The following AUTS2 variants were observed in gnomAD, a reference collection of about 807,000 sequenced individuals.
The protein encoded by AUTS2 is activator of transcription and developmental regulator AUTS2, also known as autism susceptibility gene 2 protein.
Under a neutral mutation model 112.4 loss-of-function variants are expected in AUTS2, and 17 were observed. That is an observed-to-expected ratio of 0.15 (90% CI 0.10 to 0.23). The LOEUF (loss-of-function observed/expected upper bound fraction) is 0.23, where lower values mean the gene tolerates loss of function less well. Among genes scored for constraint, AUTS2 ranks in the 10% least tolerant of loss-of-function variants. The pLI is 1.00. For synonymous variants in AUTS2, 751 were observed against 702.7 expected, an observed-to-expected ratio of 1.07 and a Z score of -1.09; for missense variants, 1,510 against 1,701.6, an observed-to-expected ratio of 0.89 and a Z score of 1.98.
chr7:70,232,328 T>C (rs1432735317), intron 4 of AUTS2, among the ~76,000 whole-genome samples: 2 of 152,166 alleles, frequency 1.3e-5, no homozygotes, highest in Non-Finnish European at 2.9e-5. Context: ...CATCCTCCTC[T>C]TTGTCTTTCT....
intron 1 of AUTS2, among the ~76,000 whole-genome samples, chr7:69,626,234 G>A (rs1014763743): frequency 1.3e-5 from 2 of 152,118 alleles, no homozygotes; most frequent in Admixed American, 6.6e-5. Context: ...GTAATTAGTT[G>A]GAAATGACAT....
chr7:70,316,298 A>C (rs1047704820), intron 4 of AUTS2, among the ~76,000 whole-genome samples: 3 of 152,042 alleles, frequency 2.0e-5, no homozygotes, highest in African/African-American at 7.2e-5. Context: ...CTCAGCTGGC[A>C]TCAATGGGCT....
rs556531734 is a variant in AUTS2 at position 70,297,850 on chromosome 7, C to T, written c.661-137902C>T. Among the ~76,000 whole-genome samples, 5 of 152,230 alleles carry T rather than the reference C, an allele frequency of 3.3e-5. No homozygotes were observed. The South Asian group carries it at 1.0e-3, about 32-fold the overall frequency. On this transcript the variant is annotated intron_variant, in intron 4 of 18. Transcript: ENST00000342771. ...TTATCAAATATTTTCACAGACAAAA[C>T]ATTTTTTCAAGCCAAATCTTGTCTA...
chr7:69,976,147 A>G (rs891464468), intron 2 of AUTS2, among the ~76,000 whole-genome samples: 4 of 152,220 alleles, frequency 2.6e-5, no homozygotes, highest in Admixed American at 2.6e-4. Flanking sequence ...TACCCATTGA[A>G]CAACTCCATT....
intron 1 of AUTS2, among the ~76,000 whole-genome samples, chr7:69,879,553 T>C (rs1287058429): frequency 6.6e-6 from 1 of 152,206 alleles, no homozygotes. Context: ...CTAAATGTAA[T>C]GATGACCAAA....
At chr7:69,804,776 A>G (rs917731711) in intron 1 of AUTS2, among the ~76,000 whole-genome samples, 6 of 152,204 alleles carry the variant, frequency 3.9e-5, no homozygotes, top group Non-Finnish European at 8.8e-5. Context: ...TTACCAGAAT[A>G]GTGGTTATCA....
At chr7:69,790,605 A>G (rs1292690256) in intron 1 of AUTS2, among the ~76,000 whole-genome samples, 2 of 152,238 alleles carry the variant, frequency 1.3e-5, no homozygotes, top group Non-Finnish European at 2.9e-5. Flanking sequence ...AAAAATTATA[A>G]TGATACCTGC....
chr7:70,447,542 A>C (rs963995595), intron 5 of AUTS2, among the ~76,000 whole-genome samples: 1 of 152,238 alleles, frequency 6.6e-6, no homozygotes, highest in Non-Finnish European at 1.5e-5. Flanking sequence ...GAACTGAATC[A>C]CAGAGGTATT....
At chr7:70,468,707 A>G (rs1797261300) in intron 5 of AUTS2, among the ~76,000 whole-genome samples, 1 of 152,160 alleles carries the variant, frequency 6.6e-6, no homozygotes, top group Non-Finnish European at 1.5e-5. Context: ...CCCGGTCAGC[A>G]TGGAGCAGGC....
At position 70,170,315 on chromosome 7, in the gene AUTS2, G is replaced by A. The variant is rs1247132486; in HGVS notation, c.660+35744G>A. Among the ~76,000 whole-genome samples the A allele has an allele frequency of 2.6e-5, 4 of 151,410 alleles. No homozygotes were observed. The South Asian group carries it at 6.3e-4, about 24-fold the overall frequency. On this transcript the variant is annotated intron_variant, in intron 4 of 18. Transcript: ENST00000342771. Reference sequence around the variant, plus strand: ...GCTGGGTCTACAGGCATATACCACCGCTAATTTTTGTATTTTTGTAGTGTT... The same window carrying A: ...GCTGGGTCTACAGGCATATACCACCACTAATTTTTGTATTTTTGTAGTGTT...
intron 4 of AUTS2, among the ~76,000 whole-genome samples, chr7:70,322,489 G>T (rs1328740862): frequency 1.3e-5 from 2 of 152,274 alleles, no homozygotes; most frequent in Non-Finnish European, 2.9e-5. Context: ...CCCAGGAAAA[G>T]GTGATCACTT....
chr7:69,654,074 C>G (rs1249307818), intron 1 of AUTS2, among the ~76,000 whole-genome samples: 1 of 152,220 alleles, frequency 6.6e-6, no homozygotes, highest in Non-Finnish European at 1.5e-5. Context: ...GGATGTTGGT[C>G]TGGCGACCTT....
chr7:70,461,763 C>T (rs1796972832), intron 5 of AUTS2, among the ~76,000 whole-genome samples: 3 of 152,046 alleles, frequency 2.0e-5, no homozygotes. Context: ...CCACACCCTT[C>T]CCAGGTGAGG....
chr7:70,436,528 A>G (rs1326494267), intron 5 of AUTS2: 1 of 152,236 alleles, frequency 6.6e-6, no homozygotes, highest in African/African-American at 2.4e-5. Context: ...CCAATCCCCA[A>G]CCAAAGTTCC....
intron 4 of AUTS2, among the ~76,000 whole-genome samples, chr7:70,193,984 A>G (rs1280007495): frequency 1.3e-5 from 2 of 152,236 alleles, no homozygotes; most frequent in Non-Finnish European, 2.9e-5. Flanking sequence ...TTAATATTCA[A>G]AGCACTTTCT....
chr7:70,703,829 C>G (rs1363298175), intron 6 of AUTS2, among the ~76,000 whole-genome samples: 1 of 152,152 alleles, frequency 6.6e-6, no homozygotes, highest in African/African-American at 2.4e-5. Context: ...CTTCTTTGTA[C>G]TATTTCAGAG....
chr7:70,787,526 C>T (rs1791587698), intron 18 of AUTS2, 95 bp downstream of exon 18: 11 of 896,992 alleles, frequency 1.2e-5, no homozygotes, highest in Admixed American at 2.8e-5. Flanking sequence ...GTCCCAGCCT[C>T]GTGCTTTAGC....
chr7:69,796,766 T>C (rs568118280), intron 1 of AUTS2, among the ~76,000 whole-genome samples: 11 of 152,334 alleles, frequency 7.2e-5, no homozygotes, highest in African/African-American at 2.6e-4. Flanking sequence ...TTATGAAACA[T>C]TGCCTAGCAG....
intron 4 of AUTS2, among the ~76,000 whole-genome samples, chr7:70,276,889 G>A (rs1787954531): frequency 6.6e-6 from 1 of 152,196 alleles, no homozygotes; most frequent in Non-Finnish European, 1.5e-5. Flanking sequence ...AGACTGAGGA[G>A]TAAAGAACGT....
Sources: allele counts gnomAD v4.1 joint callset (sites outside exome capture counted in the v4.1 genomes callset), GRCh38; gene constraint gnomAD v4.1.1; transcripts MANE v1.5; gene names NCBI Gene and HGNC (gene_info 2026-07-23, HGNC 2026-07-21).